Variants in LRCH3 observed in about 807,000 individuals in gnomAD.
The protein encoded by LRCH3 is leucine rich repeats and calponin homology domain containing 3, also known as DISP complex protein LRCH3.
LRCH3 carries 68 observed loss-of-function variants against 104.5 expected under a neutral mutation model. That is an observed-to-expected ratio of 0.65 (90% CI 0.54 to 0.80). LRCH3 has a LOEUF of 0.80. LRCH3 is among the 30% of genes least tolerant of loss of function. The pLI is 0.00. For missense variants in LRCH3, 951 were observed against 953.9 expected, an observed-to-expected ratio of 1.00 and a Z score of 0.04; for synonymous variants, 344 against 361.3, an observed-to-expected ratio of 0.95 and a Z score of 0.54.
intron 8 of LRCH3, among the ~76,000 whole-genome samples, chr3:197,833,911 T>C (rs930644178): frequency 6.6e-6 from 1 of 152,242 alleles, no homozygotes; most frequent in African/African-American, 2.4e-5. Flanking sequence ...ATTTAAAAAA[T>C]GCATTTATGT....
Position 197,883,656 on chromosome 3 carries a change from C to T in LRCH3, c.2324C>T (p.Ser775Phe). 2 of 1,536,098 alleles carry T rather than the reference C, an allele frequency of 1.3e-6. No homozygotes were observed. The highest frequency in any genetic ancestry group is 1.7e-6 in the Non-Finnish European group (2 of 1,146,892). ...APPKQQQHQL[S>F]AV ...CCCAAGCAACAGCAGCACCAGTTATCTGCTGTTTGAGGATCCCCAGGACGG... is the reference window on the plus strand; with the variant it reads ...CCCAAGCAACAGCAGCACCAGTTATTTGCTGTTTGAGGATCCCCAGGACGG... The change falls in exon 21 of 21, where the codon TCT (serine) becomes TTT (phenylalanine). Residue 775 changes from serine (S) to phenylalanine (F), a missense_variant. Coordinates refer to ENST00000425562, the MANE Select transcript of LRCH3 (RefSeq NM_001365715.1). This position sits in a 1 kb window ranked among gnomAD's most constrained non-coding sequence, Gnocchi z 4.2.
chr3:197,804,070 C>T (rs1246038365), intron 1 of LRCH3, among the ~76,000 whole-genome samples: 1 of 152,040 alleles, frequency 6.6e-6, no homozygotes, highest in East Asian at 1.9e-4. Flanking sequence ...CCAGCCTGAC[C>T]AACATGGTGA....
intron 10 of LRCH3, among the ~76,000 whole-genome samples, chr3:197,842,299 G>A (rs1218869483): frequency 6.6e-6 from 1 of 152,144 alleles, no homozygotes; most frequent in Non-Finnish European, 1.5e-5. Flanking sequence ...CTTTCCAGAT[G>A]TTGGGATATA....
intron 13 of LRCH3, among the ~76,000 whole-genome samples, chr3:197,853,421 C>T (rs1431012284): frequency 1.3e-5 from 2 of 152,130 alleles, no homozygotes; most frequent in African/African-American, 4.8e-5. Flanking sequence ...AACTCCTGAC[C>T]TCATAATCCA....
At chr3:197,839,450 A>G (rs1560566677) in intron 10 of LRCH3, 53 bp downstream of exon 10, 1 of 1,227,766 alleles carries the variant, frequency 8.1e-7, no homozygotes. Flanking sequence ...ATGAGAGCAT[A>G]AAGTAATTTT....
In LRCH3 at chr3:197,885,658, A is replaced by G. The variant is rs1423302539; in HGVS notation, c.*1992A>G. 1 of 152,138 alleles carries G rather than the reference A, an allele frequency of 6.6e-6. No individual in the cohort carries two copies. The highest frequency in any genetic ancestry group is 6.5e-5 in the Admixed American group (1 of 15,276). The allele number at this position is 152,138 out of a possible 1,614,324, so 9.4% of individuals were successfully genotyped here. A position where few individuals can be genotyped will look rare whatever the true frequency, so the allele number is the denominator to read the frequency against. On this transcript the variant is annotated 3_prime_UTR_variant, in exon 21 of 21. Transcript: ENST00000425562. ...CTCGCTCCACCACAAGCGCCTTTAT[A>G]TACTCAATGATGGGTGGAGGAAAAG...
In LRCH3 at chr3:197,854,258, A is replaced by T; in HGVS notation, c.1591-134A>T. Reference sequence around the variant, plus strand: ...ATGCATGAATTCCAGATGATTGTGAATGTGGTCCTCTATGTCAACGTCTTC... The same window carrying T: ...ATGCATGAATTCCAGATGATTGTGATTGTGGTCCTCTATGTCAACGTCTTC... On this transcript the variant is annotated intron_variant, in intron 13 of 20. Coordinates refer to ENST00000425562, the MANE Select transcript of LRCH3 (RefSeq NM_001365715.1). This position sits in a 1 kb window ranked among gnomAD's most constrained non-coding sequence, Gnocchi z 4.5. 1.3e-6 allele frequency: 1 copy of T among 761,718 alleles called. No individual in the cohort carries two copies. The highest frequency in any genetic ancestry group is 2.3e-4 in the Middle Eastern group (1 of 4,338). 47.2% of individuals were successfully genotyped at this position (761,718 alleles called of 1,614,324 possible).
intron 1 of LRCH3, among the ~76,000 whole-genome samples, chr3:197,794,118 C>T (rs1243143776): frequency 1.3e-5 from 2 of 151,948 alleles, no homozygotes; most frequent in African/African-American, 2.4e-5. Context: ...AGGATTTTGG[C>T]CCAGGTTATA....
chr3:197,830,409 TC>T (rs1735775194), intron 6 of LRCH3, among the ~76,000 whole-genome samples: 1 of 152,206 alleles, frequency 6.6e-6, no homozygotes, highest in Non-Finnish European at 1.5e-5. Flanking sequence ...GATAGATGTT[TC>T]AGTCAAAGTG....
In LRCH3 at chr3:197,822,123, C is replaced by G. The variant is rs140904453; in HGVS notation, c.640+1693C>G. On this transcript the variant is annotated intron_variant, in intron 4 of 20. Coordinates refer to ENST00000425562, the MANE Select transcript of LRCH3 (RefSeq NM_001365715.1). ...CCAAGTAAATGTGTAAGAACGTGAC[C>G]TTTTCAGTCCACTTTTATATACTTA... Among the ~76,000 whole-genome samples, 119 of 152,282 alleles carry G rather than the reference C, an allele frequency of 7.8e-4. 3 individuals are homozygous for G. In the East Asian group the frequency reaches 0.019, roughly 24 times the overall value.
In LRCH3 at chr3:197,887,225, G is replaced by T. The variant is rs1226365148; in HGVS notation, c.*3559G>T. On this transcript the variant is annotated 3_prime_UTR_variant, in exon 21 of 21. Coordinates refer to ENST00000425562, the MANE Select transcript of LRCH3 (RefSeq NM_001365715.1). ...TATGTACCTTTTTTTTTTTAAATTG[G>T]AAAGCACAATTCGGTTTAACATTTA... 6.6e-6 allele frequency: 1 copy of T among 151,798 alleles called. No homozygotes were observed. Among genetic ancestry groups the T allele is most frequent in the African/African-American group, 2.4e-5 (1 of 41,312 alleles). The allele number at this position is 151,798 out of a possible 1,614,324, so 9.4% of individuals were successfully genotyped here. A position where few individuals can be genotyped will look rare whatever the true frequency, so the allele number is the denominator to read the frequency against.
intron 12 of LRCH3, chr3:197,852,295 C>T (rs1048471400): frequency 3.4e-5 from 12 of 356,940 alleles, no homozygotes; most frequent in Admixed American, 1.2e-4. Flanking sequence ...TATTAGCATT[C>T]GAGTGATACT....
At chr3:197,850,351 C>CTTTTTTTTT (rs199876882) in intron 12 of LRCH3, 30 of 619,482 alleles carry the variant, frequency 4.8e-5, no homozygotes, top group East Asian at 1.3e-4. Flanking sequence ...ACCATTTTTT[C>CTTTTTTTTT]TTTTTTTTTT....
At chr3:197,799,955 G>A (rs1731681638) in intron 1 of LRCH3, among the ~76,000 whole-genome samples, 1 of 152,006 alleles carries the variant, frequency 6.6e-6, no homozygotes, top group South Asian at 2.1e-4. Flanking sequence ...GCCGAGGCAG[G>A]TGGATCATGA....
At chr3:197,835,100 C>A (rs905108140) in intron 8 of LRCH3, among the ~76,000 whole-genome samples, 6 of 152,120 alleles carry the variant, frequency 3.9e-5, no homozygotes, top group African/African-American at 1.4e-4. Flanking sequence ...GCCAAGATTG[C>A]ACCACTGCAC....
intron 10 of LRCH3, among the ~76,000 whole-genome samples, chr3:197,844,765 G>T (rs553749115): frequency 1.3e-5 from 2 of 151,994 alleles, no homozygotes; most frequent in Admixed American, 1.3e-4. Flanking sequence ...CTACAGGCGC[G>T]CACCACCACA....
intron 12 of LRCH3, chr3:197,850,568 G>A (rs1739447471): frequency 6.3e-7 from 1 of 1,586,438 alleles, no homozygotes; most frequent in Admixed American, 1.7e-5. Context: ...GAGCTCTGTA[G>A]GTCCGGCGGC....
chr3:197,797,449 A>G (rs1374846502), intron 1 of LRCH3, among the ~76,000 whole-genome samples: 3 of 151,708 alleles, frequency 2.0e-5, no homozygotes, highest in Non-Finnish European at 4.4e-5. Context: ...TGGAAAAGGT[A>G]GGCACTGTCA....
In LRCH3 at chr3:197,799,781, G is replaced by C. The variant is rs1731661790; in HGVS notation, c.262+8241G>C. 3.3e-5 allele frequency among the ~76,000 whole-genome samples: 5 copies of C among 152,250 alleles called. No homozygotes were observed. In the South Asian group the frequency reaches 1.0e-3, roughly 32 times the overall value. Reference sequence around the variant, plus strand: ...TTCAGCTACTCGGGAGGCTGAGGCAGGGGAATTGCTTATCCCGGGAGGCAG... The same window carrying C: ...TTCAGCTACTCGGGAGGCTGAGGCACGGGAATTGCTTATCCCGGGAGGCAG... On this transcript the variant is annotated intron_variant, in intron 1 of 20. Coordinates refer to ENST00000425562, the MANE Select transcript of LRCH3 (RefSeq NM_001365715.1).
Sources: allele counts gnomAD v4.1 joint callset (sites outside exome capture counted in the v4.1 genomes callset), GRCh38; gene constraint gnomAD v4.1.1; non-coding constraint Gnocchi (gnomAD v3.1); transcripts MANE v1.5; gene names NCBI Gene and HGNC (gene_info 2026-07-23, HGNC 2026-07-21).